WDR7: variants seen among roughly 807,000 people sequenced by gnomAD.
WDR7 encodes WD repeat domain 7.
WDR7 carries 46 observed loss-of-function variants against 169.4 expected under a neutral mutation model. The ratio of observed to expected loss-of-function variants is 0.27; its 90% CI spans 0.21 to 0.35. The LOEUF (loss-of-function observed/expected upper bound fraction) is 0.35. Among genes scored for constraint, WDR7 ranks in the 10% least tolerant of loss-of-function variants. The pLI, the probability that WDR7 is intolerant of heterozygous loss-of-function variation, is 1.00. For synonymous variants in WDR7, 612 were observed against 666.8 expected, an observed-to-expected ratio of 0.92 and a Z score of 1.27; for missense variants, 1,534 against 1,859.3, an observed-to-expected ratio of 0.83 and a Z score of 3.22.
chr18:56,824,627 T>C (rs2045164670), intron 20 of WDR7, among the ~76,000 whole-genome samples: 1 of 152,214 alleles, frequency 6.6e-6, no homozygotes, highest in African/African-American at 2.4e-5. Context: ...TTAGTGGCTA[T>C]TTAAATGACT....
chr18:56,903,062 TTGCCC>T (rs1232573792), intron 21 of WDR7, among the ~76,000 whole-genome samples: 2 of 152,318 alleles, frequency 1.3e-5, no homozygotes, highest in East Asian at 3.9e-4. Flanking sequence ...ATCAAGGTGA[TTGCCC>T]GTTGGCAGCA....
At chr18:56,838,079 TAAGAGTG>T (rs59439805) in intron 20 of WDR7, among the ~76,000 whole-genome samples, 42,199 of 151,820 alleles carry the variant, frequency 0.28, 7,554 homozygotes, top group African/African-American at 0.52. Flanking sequence ...TGAACAAGAA[TAAGAGTG>T]AAGAGTGTTT....
intron 20 of WDR7, among the ~76,000 whole-genome samples, chr18:56,833,492 A>G (rs1165396038): frequency 2.6e-5 from 4 of 152,192 alleles, no homozygotes; most frequent in Non-Finnish European, 5.9e-5. Context: ...AGCATTCTAA[A>G]TATCTAAAGT....
chr18:56,911,913 A>G (rs993791909), intron 21 of WDR7, among the ~76,000 whole-genome samples: 2 of 152,166 alleles, frequency 1.3e-5, no homozygotes, highest in African/African-American at 2.4e-5. Flanking sequence ...TTTGGGTTTT[A>G]TGTACTTTTT....
chr18:57,005,204 A>C (rs190576056), intron 26 of WDR7, among the ~76,000 whole-genome samples: 139 of 152,342 alleles, frequency 9.1e-4, no homozygotes, highest in Non-Finnish European at 9.3e-4. Context: ...ACTGTTTAAA[A>C]AAATGATGTC....
intron 26 of WDR7, chr18:57,010,342 T>C: frequency 2.1e-6 from 2 of 963,120 alleles, no homozygotes; most frequent in Non-Finnish European, 2.5e-6. Context: ...TATTCTTTTA[T>C]TTAAAACAAC....
intron 16 of WDR7, among the ~76,000 whole-genome samples, chr18:56,771,013 AC>A (rs1306636329): frequency 6.6e-6 from 1 of 152,184 alleles, no homozygotes; most frequent in Non-Finnish European, 1.5e-5. Context: ...CATACCATGC[AC>A]TTTCCTCTGT....
At chr18:56,723,835 T>A (rs898724673) in intron 13 of WDR7, among the ~76,000 whole-genome samples, 1 of 152,136 alleles carries the variant, frequency 6.6e-6, no homozygotes, top group Non-Finnish European at 1.5e-5. Context: ...TTTAAGCCAT[T>A]TGAAGTTGTT....
At chr18:56,863,351 G>A (rs1463341714) in intron 20 of WDR7, among the ~76,000 whole-genome samples, 2 of 151,678 alleles carry the variant, frequency 1.3e-5, no homozygotes, top group African/African-American at 4.8e-5. Flanking sequence ...TATTGATTCT[G>A]TAGTGAGTAA....
At chr18:56,830,531 G>A (rs941315353) in intron 20 of WDR7, among the ~76,000 whole-genome samples, 22 of 152,160 alleles carry the variant, frequency 1.4e-4, no homozygotes, top group African/African-American at 4.6e-4. Flanking sequence ...CCAGTTCAGC[G>A]TGTCACTAGT....
intron 13 of WDR7, among the ~76,000 whole-genome samples, chr18:56,725,454 T>A (rs2026426993): frequency 6.6e-6 from 1 of 152,144 alleles, no homozygotes; most frequent in East Asian, 1.9e-4. Flanking sequence ...ATGTCTTCTT[T>A]TGAGAAGTGT....
chr18:56,939,597 G>C (rs1248486043), intron 25 of WDR7, among the ~76,000 whole-genome samples: 1 of 152,032 alleles, frequency 6.6e-6, no homozygotes, highest in African/African-American at 2.4e-5. Flanking sequence ...GGGTGATGAA[G>C]ATATTTTGCT....
At chr18:56,668,227 T>G (rs550406305) in intron 1 of WDR7, among the ~76,000 whole-genome samples, 2 of 152,342 alleles carry the variant, frequency 1.3e-5, no homozygotes, top group East Asian at 3.9e-4. Flanking sequence ...TGATGCATGT[T>G]GGCTATTGGT....
chr18:56,681,271 TA>T, intron 3 of WDR7, 41 bp from the exon 4 acceptor site: 1 of 1,361,538 alleles, frequency 7.3e-7, no homozygotes, highest in African/African-American at 1.5e-5. Flanking sequence ...AATGGTGCTT[TA>T]AAAAGTCACA....
At chr18:56,752,299 C>G (rs925525451) in intron 14 of WDR7, among the ~76,000 whole-genome samples, 3 of 152,180 alleles carry the variant, frequency 2.0e-5, no homozygotes, top group Non-Finnish European at 4.4e-5. Flanking sequence ...TGTGATACTT[C>G]TGTCTTTGTC....
chr18:56,770,636 T>A (rs2044139949), intron 16 of WDR7, among the ~76,000 whole-genome samples: 1 of 152,324 alleles, frequency 6.6e-6, no homozygotes, highest in Non-Finnish European at 1.5e-5. Context: ...TGACTGTATT[T>A]TTTAAACATT....
chr18:56,696,448 C>T lies in WDR7; in HGVS notation c.1564C>T (p.Pro522Ser), dbSNP rs1444394977. 2 of 1,612,634 alleles carry T rather than the reference C, an allele frequency of 1.2e-6. No homozygotes were observed. The highest frequency in any genetic ancestry group is 2.2e-5 in the East Asian group (1 of 44,848). ...GGEITQLLVP[P>S]ENCSARVQHC... ...TGAGATTACTCAACTTCTAGTTCCACCTGAAAACTGTAGTGTAAGTTGATT... is the reference window on the plus strand; with the variant it reads ...TGAGATTACTCAACTTCTAGTTCCATCTGAAAACTGTAGTGTAAGTTGATT... The change falls in exon 12 of 28, where the codon CCT (proline) becomes TCT (serine). Residue 522 changes from proline to serine, a missense_variant. Transcript: ENST00000254442.
chr18:57,024,588 A>G (rs1264491064), intron 27 of WDR7, among the ~76,000 whole-genome samples: 12 of 141,108 alleles, frequency 8.5e-5, no homozygotes, highest in African/African-American at 3.1e-4. Context: ...AGAATTTCAC[A>G]TATCCCTATT....
intron 19 of WDR7, among the ~76,000 whole-genome samples, chr18:56,804,463 A>G (rs1249480028): frequency 6.6e-6 from 1 of 152,236 alleles, no homozygotes; most frequent in Non-Finnish European, 1.5e-5. Context: ...ACGTGTCAGA[A>G]CACTTCATAG....
Sources: allele counts gnomAD v4.1 joint callset (sites outside exome capture counted in the v4.1 genomes callset), GRCh38; gene constraint gnomAD v4.1.1; transcripts MANE v1.5; gene names NCBI Gene and HGNC (gene_info 2026-07-23, HGNC 2026-07-21).